BPNT1: variants seen among roughly 807,000 people sequenced by gnomAD.
The protein encoded by BPNT1 is 3'(2'), 5'-bisphosphate nucleotidase 1, also known as 3'(2'),5'-bisphosphate nucleotidase 1.
In BPNT1, 28 loss-of-function variants were observed where a neutral mutation model predicts 36.9. The observed-to-expected ratio is 0.76, with a 90% CI of 0.56 to 1.04. BPNT1 has a LOEUF of 1.04. Among genes scored for constraint, BPNT1 ranks in the 50% least tolerant of loss-of-function variants. BPNT1 has a pLI of 0.00. For synonymous variants in BPNT1, 119 were observed against 130.9 expected (o/e 0.91, Z 0.62); for missense variants, 313 against 372.9 (o/e 0.84, Z 1.32).
intron 4 of BPNT1, among the ~76,000 whole-genome samples, chr1:220,069,936 C>T (rs1050638261): frequency 2.7e-5 from 4 of 147,894 alleles, no homozygotes; most frequent in African/African-American, 1.0e-4. Flanking sequence ...AACTCCATCT[C>T]AAAAAAAAAA....
Position 220,074,054 on chromosome 1 carries a change from C to T in BPNT1, c.138G>A (p.Leu46=). The part of the protein sequence containing the change: ...GIVEKTCATD[L]QTKADRLAQM... ...GTGCCAATCGGTCAGCTTTGGTCTG[C>T]AGGTCTGTTGCACAGGTCTGTAATA... The change falls in exon 3 of 9, where the codon CTG becomes CTA. Residue 46 remains leucine (L), a synonymous_variant. Coordinates refer to ENST00000322067, the MANE Select transcript of BPNT1 (RefSeq NM_006085.6). 1 of 1,613,752 alleles carries T rather than the reference C, an allele frequency of 6.2e-7. No individual in the cohort carries two copies. Among genetic ancestry groups the T allele is most frequent in the Non-Finnish European group, 8.5e-7 (1 of 1,179,940 alleles).
At chr1:220,085,073 T>TAA (rs558004798) in intron 1 of BPNT1, among the ~76,000 whole-genome samples, 3 of 141,142 alleles carry the variant, frequency 2.1e-5, no homozygotes, top group African/African-American at 5.2e-5. Flanking sequence ...GGTTCTTGGT[T>TAA]AAAAAAAAAA....
chr1:220,083,551 T>C (rs1474073873), intron 1 of BPNT1, among the ~76,000 whole-genome samples: 1 of 151,888 alleles, frequency 6.6e-6, no homozygotes, highest in Non-Finnish European at 1.5e-5. Flanking sequence ...AACCTCATGA[T>C]CCACTCGCCT....
rs1220613722 is a variant in BPNT1, at chr1:220,062,770, C to T, written c.659G>A (p.Gly220Glu). The change falls in exon 7 of 9, where the codon GGA becomes GAA. Residue 220 changes from glycine to glutamate, a missense_variant. Coordinates refer to ENST00000322067, the MANE Select transcript of BPNT1 (RefSeq NM_006085.6). ...MNPDAVLRVG[G>E]AGNKIIQLIE... The stretch of plus-strand genomic sequence containing the variant: ...CATTTTTCATACCTTATTTCCTGCT[C>T]CTCCTACTCGCAGCACAGCATCGGG... The T allele has an allele frequency of 6.2e-7, 1 of 1,614,062 alleles. No individual in the cohort carries two copies. The highest frequency in any genetic ancestry group is 8.5e-7 in the Non-Finnish European group (1 of 1,180,030).
chr1:220,061,310 G>A (rs1663007245), intron 7 of BPNT1, among the ~76,000 whole-genome samples: 1 of 152,106 alleles, frequency 6.6e-6, no homozygotes, highest in Admixed American at 6.6e-5. Context: ...ACTTTCATTA[G>A]TCAATTGACT....
intron 1 of BPNT1, among the ~76,000 whole-genome samples, chr1:220,084,724 T>C (rs1301552572): frequency 1.3e-5 from 2 of 152,210 alleles, no homozygotes; most frequent in Admixed American, 1.3e-4. Context: ...TTTTCTTCCA[T>C]GGAAAAACTT....
chr1:220,079,207 T>TTAGA (rs1664880795), intron 2 of BPNT1, among the ~76,000 whole-genome samples: 1 of 152,110 alleles, frequency 6.6e-6, no homozygotes, highest in South Asian at 2.1e-4. Context: ...TTCAGAAGAC[T>TTAGA]CAGACATATA....
In BPNT1 at chr1:220,058,703, T is replaced by C; in HGVS notation, c.*141A>G. On this transcript the variant is annotated 3_prime_UTR_variant, in exon 9 of 9. Coordinates refer to ENST00000322067, the MANE Select transcript of BPNT1 (RefSeq NM_006085.6). Reference sequence around the variant, plus strand: ...CATGACAGGATGCCCAGTTAATTTGTATTTTTGTAGAGATGGGGTCTCACG... The same window carrying C: ...CATGACAGGATGCCCAGTTAATTTGCATTTTTGTAGAGATGGGGTCTCACG... 2.3e-6 allele frequency: 2 copies of C among 878,936 alleles called. No individual in the cohort carries two copies. Among genetic ancestry groups the C allele is most frequent in the Non-Finnish European group, 3.4e-6 (2 of 592,682 alleles). 54.4% of individuals were successfully genotyped at this position (878,936 alleles called of 1,614,324 possible).
Position 220,057,696 on chromosome 1 carries a change from CTT to C in BPNT1, c.*1146_*1147del. The C allele has an allele frequency of 6.6e-6, 3 of 457,728 alleles. No homozygotes were observed. The highest frequency in any genetic ancestry group is 7.8e-6 in the Non-Finnish European group (2 of 256,524). 28.4% of individuals were successfully genotyped at this position (457,728 alleles called of 1,614,324 possible). A position where few individuals can be genotyped will look rare whatever the true frequency, so the allele number is the denominator to read the frequency against. On this transcript the variant is annotated 3_prime_UTR_variant, in exon 9 of 9. Coordinates refer to ENST00000322067, the MANE Select transcript of BPNT1 (RefSeq NM_006085.6). ...GTCGAGAATGTATAATTTTCAAACA[CTT>C]TTTTAAAAAGCTGGTGAATAACAAA...
chr1:220,086,525 C>T (rs1476098452), intron 1 of BPNT1, among the ~76,000 whole-genome samples: 2 of 151,936 alleles, frequency 1.3e-5, no homozygotes, highest in African/African-American at 4.8e-5. Flanking sequence ...CCACCCTCCT[C>T]GGCCTCCCAA....
At chr1:220,076,186 G>A (rs894947868) in intron 2 of BPNT1, among the ~76,000 whole-genome samples, 65 of 152,040 alleles carry the variant, frequency 4.3e-4, no homozygotes, top group African/African-American at 1.5e-3. Flanking sequence ...GACCAACATG[G>A]AGAAACCCTG....
Position 220,065,448 on chromosome 1 carries a change from C to A in BPNT1, c.474+1854G>T, listed in dbSNP as rs574207381. On this transcript the variant is annotated intron_variant, in intron 6 of 8. Coordinates refer to ENST00000322067, the MANE Select transcript of BPNT1 (RefSeq NM_006085.6). ...AAACTGGCTTCAGTATGAAGATAGACTGAGTTTCTTCATGCTATTTCCTTT... is the reference window on the plus strand; with the variant it reads ...AAACTGGCTTCAGTATGAAGATAGAATGAGTTTCTTCATGCTATTTCCTTT... Among the ~76,000 whole-genome samples, 75 of 152,292 alleles carry A rather than the reference C, an allele frequency of 4.9e-4. 4 individuals carry two copies. In the South Asian group the frequency reaches 0.015, roughly 30 times the overall value.
intron 6 of BPNT1, among the ~76,000 whole-genome samples, chr1:220,063,890 CTT>C (rs1485959196): frequency 3.3e-5 from 5 of 152,132 alleles, no homozygotes; most frequent in South Asian, 2.1e-4. Context: ...TAACTATACA[CTT>C]GATATAGAAA....
rs558655279 is a variant in BPNT1, at chr1:220,079,235, T to A, written c.120+492A>T. Reference sequence around the variant, plus strand: ...GACATATAAATAAAGATCTTGGACGTAGAAAGTCTGGAGTCTTTTTTTTTT... The same window carrying A: ...GACATATAAATAAAGATCTTGGACGAAGAAAGTCTGGAGTCTTTTTTTTTT... On this transcript the variant is annotated intron_variant, in intron 2 of 8. Coordinates refer to ENST00000322067, the MANE Select transcript of BPNT1 (RefSeq NM_006085.6). Among the ~76,000 whole-genome samples the A allele has an allele frequency of 5.9e-5, 9 of 152,114 alleles. No individual in the cohort carries two copies. In the East Asian group the frequency reaches 1.7e-3, roughly 29 times the overall value.
At chr1:220,089,024 C>T (rs1656038301) in intron 1 of BPNT1, among the ~76,000 whole-genome samples, 1 of 138,872 alleles carries the variant, frequency 7.2e-6, no homozygotes, top group African/African-American at 2.7e-5. Flanking sequence ...TGGCGTGAAC[C>T]TGGGAGGTGG....
At position 220,059,756 on chromosome 1, in the gene BPNT1, A is replaced by T; in HGVS notation, c.708T>A (p.Tyr236Ter). The T allele has an allele frequency of 6.2e-7, 1 of 1,610,744 alleles. No individual in the cohort carries two copies. Among genetic ancestry groups the T allele is most frequent in the Non-Finnish European group, 8.5e-7 (1 of 1,178,956 alleles). Residue 236 changes from tyrosine to a stop codon, truncating the protein, a stop_gained, in exon 8 of 9, where the codon TAT becomes TAA. Transcript: ENST00000322067. LOFTEE classifies it high-confidence loss of function. ...TCTTACAACCAGGACTTGCAAATAC[A>T]TAAGCAGAGGCTTTGCCTTCAATCA... ...IQLIEGKASA[Y>*]VFASPGCKKW...
chr1:220,064,870 C>T (rs111902026), intron 6 of BPNT1, among the ~76,000 whole-genome samples: 6,446 of 152,066 alleles, frequency 0.042, 174 homozygotes, highest in East Asian at 0.11. Context: ...TGCAGTGGTG[C>T]GATCTCGGCT....
At chr1:220,076,064 A>C (rs1247369715) in intron 2 of BPNT1, among the ~76,000 whole-genome samples, 2 of 152,154 alleles carry the variant, frequency 1.3e-5, no homozygotes, top group African/African-American at 2.4e-5. Flanking sequence ...AATAAAAAAA[A>C]CTTTATAAAA....
At chr1:220,060,757 C>T (rs1017099373) in intron 7 of BPNT1, among the ~76,000 whole-genome samples, 20 of 151,972 alleles carry the variant, frequency 1.3e-4, no homozygotes, top group Admixed American at 8.5e-4. Context: ...GTCCTGAGAA[C>T]ATGTGCCCAA....
Sources: gnomAD v4.1 joint callset for allele counts (sites outside exome capture counted in the v4.1 genomes callset) on GRCh38, gnomAD v4.1.1 for gene constraint, MANE v1.5 for transcripts, NCBI Gene and HGNC (gene_info 2026-07-23, HGNC 2026-07-21) for gene names.